ELAC2: variants seen among roughly 807,000 people sequenced by gnomAD.
ELAC2 encodes the protein elaC ribonuclease Z 2.
ELAC2 carries 92 observed loss-of-function variants against 105.2 expected under a neutral mutation model. The ratio of observed to expected loss-of-function variants is 0.87; its 90% CI spans 0.74 to 1.04. ELAC2 has a LOEUF of 1.04. ELAC2 is among the 50% of genes least tolerant of loss of function. The pLI is 0.00. For missense variants in ELAC2, 1,099 were observed against 1,071.7 expected (o/e 1.03, Z -0.36); for synonymous variants, 468 against 409.1 (o/e 1.14, Z -1.74).
At chr17:13,014,118 C>T (rs1324821608) in intron 5 of ELAC2, among the ~76,000 whole-genome samples, 1 of 151,892 alleles carries the variant, frequency 6.6e-6, no homozygotes, top group Non-Finnish European at 1.5e-5. Flanking sequence ...ATGGTGAAAC[C>T]CCGTCTCTAC....
Position 12,993,027 on chromosome 17 carries a change from G to A in ELAC2, c.2272C>T (p.Pro758Ser), listed in dbSNP as rs778365597. ...GGGGGAATCAGCTTGGGCATTGTTGGAAAGTCTCCAAAGCAGACCTAGAAG... is the reference window on the plus strand; with the variant it reads ...GGGGGAATCAGCTTGGGCATTGTTGAAAAGTCTCCAAAGCAGACCTAGAAG... ...DHMKVCFGDF[P>S]TMPKLIPPLK... is the part of the protein sequence containing the mutation. The change falls in exon 24 of 24, where the codon CCA (proline) becomes TCA (serine). Residue 758 changes from proline to serine, a missense_variant. Pro to Ser is a moderately conservative substitution (Grantham distance 74, BLOSUM62 -1). Transcript: ENST00000338034. 2.5e-6 allele frequency: 4 copies of A among 1,603,870 alleles called. No homozygotes were observed. Among genetic ancestry groups the A allele is most frequent in the Admixed American group, 3.3e-5 (2 of 59,968 alleles).
intron 14 of ELAC2, chr17:13,000,752 G>C (rs1410995869): frequency 4.8e-6 from 1 of 208,546 alleles, no homozygotes; most frequent in African/African-American, 2.3e-5. Context: ...CAGCTCTGCA[G>C]TGAGGCCTGA....
At chr17:13,015,378 T>C (rs2041660727) in intron 4 of ELAC2, among the ~76,000 whole-genome samples, 1 of 152,220 alleles carries the variant, frequency 6.6e-6, no homozygotes, top group African/African-American at 2.4e-5. Flanking sequence ...AAGAGTGTAA[T>C]AAGCTGGACT....
Position 13,017,961 on chromosome 17 carries a change from C to T in ELAC2, c.-14G>A, listed in dbSNP as rs2041846931. The T allele has an allele frequency of 1.3e-6, 2 of 1,535,602 alleles. No homozygotes were observed. Among genetic ancestry groups the T allele is most frequent in the Non-Finnish European group, 1.7e-6 (2 of 1,146,628 alleles). On this transcript the variant is annotated 5_prime_UTR_variant, in exon 1 of 24. In the 5' UTR this introduces an upstream ATG that the reference lacks. Coordinates refer to ENST00000338034, the MANE Select transcript of ELAC2 (RefSeq NM_018127.7). ...AAGCGCCCACATGCGCCCGTCTCCA[C>T]CAAAACTGAGAAAGCCGCCGGTCAC...
intron 8 of ELAC2, among the ~76,000 whole-genome samples, chr17:13,007,809 A>G (rs75689464): frequency 6.6e-6 from 1 of 152,064 alleles, no homozygotes. Context: ...GCCTGGGAGG[A>G]GGAGGTTGCA....
At chr17:13,016,626 A>C (rs2041737596) in intron 3 of ELAC2, among the ~76,000 whole-genome samples, 1 of 151,990 alleles carries the variant, frequency 6.6e-6, no homozygotes, top group Admixed American at 6.6e-5. Flanking sequence ...AACATACAAA[A>C]AAAATTAGCC....
intron 22 of ELAC2, 47 bp downstream of exon 22, chr17:12,994,378 G>A: frequency 1.2e-6 from 2 of 1,602,386 alleles, no homozygotes; most frequent in Non-Finnish European, 1.7e-6. Flanking sequence ...TCACGTAGTG[G>A]GGGAGGGAGA....
intron 17 of ELAC2, 101 bp downstream of exon 17, chr17:12,996,445 TG>T: frequency 6.3e-7 from 1 of 1,575,004 alleles, no homozygotes. Context: ...ACAAAAGCTC[TG>T]GGCAAGTTTG....
At chr17:13,012,207 C>CGTA (rs1555580794) in intron 6 of ELAC2, among the ~76,000 whole-genome samples, 1 of 152,168 alleles carries the variant, frequency 6.6e-6, no homozygotes, top group Non-Finnish European at 1.5e-5. Flanking sequence ...CGAGAATGAA[C>CGTA]GTAAGTTCAC....
At chr17:13,011,996 C>T (rs562689730) in intron 6 of ELAC2, among the ~76,000 whole-genome samples, 5 of 152,266 alleles carry the variant, frequency 3.3e-5, no homozygotes, top group African/African-American at 7.2e-5. Context: ...CTCACAGCCT[C>T]GGCCACAGTA....
intron 14 of ELAC2, among the ~76,000 whole-genome samples, chr17:13,001,561 T>A (rs1426849812): frequency 6.6e-6 from 1 of 152,120 alleles, no homozygotes; most frequent in East Asian, 1.9e-4. Context: ...GCAGTAAGGC[T>A]GTTCACTTTC....
intron 12 of ELAC2, 187 bp from the exon 13 acceptor site, chr17:13,002,766 A>G: frequency 1.1e-6 from 1 of 877,900 alleles, no homozygotes; most frequent in Non-Finnish European, 1.8e-6. Context: ...GGTGTTCCCT[A>G]GCTCAGCTGC....
rs1381612724 is a variant in ELAC2 at position 13,010,706 on chromosome 17, A to T, written c.680-35T>A. 3 of 1,595,882 alleles carry T rather than the reference A, an allele frequency of 1.9e-6. No individual in the cohort carries two copies. In the Admixed American group the frequency reaches 5.0e-5, roughly 27 times the overall value. On this transcript the variant is annotated intron_variant, in intron 7 of 23. Transcript: ENST00000338034. ...AACACACTTGATTATCACAAGGTAAATGTGAAAGCTGTGAAGACATCACAG... is the reference window on the plus strand; with the variant it reads ...AACACACTTGATTATCACAAGGTAATTGTGAAAGCTGTGAAGACATCACAG...
chr17:13,009,465 CA>C (rs1397858154), intron 8 of ELAC2, among the ~76,000 whole-genome samples: 2 of 152,158 alleles, frequency 1.3e-5, no homozygotes, highest in African/African-American at 2.4e-5. Flanking sequence ...CTTATTGTAA[CA>C]AAAATTTTTA....
In ELAC2 at chr17:12,992,043, T is replaced by C. The variant is rs1021414287; in HGVS notation, c.*775A>G. ...GGAAGCAACAACACAGCAAATCTAT[T>C]GTCTCCACTTTTACCCAGAACCACC... On this transcript the variant is annotated 3_prime_UTR_variant, in exon 24 of 24. Coordinates refer to ENST00000338034, the MANE Select transcript of ELAC2 (RefSeq NM_018127.7). 1.3e-5 allele frequency among the ~76,000 whole-genome samples: 2 copies of C among 152,196 alleles called. No homozygotes were observed. The highest frequency in any genetic ancestry group is 2.4e-5 in the African/African-American group (1 of 41,450).
intron 5 of ELAC2, among the ~76,000 whole-genome samples, chr17:13,013,692 C>A (rs1157498650): frequency 6.6e-6 from 1 of 152,148 alleles, no homozygotes; most frequent in Non-Finnish European, 1.5e-5. Context: ...AGATACACAC[C>A]AGTGCCAGGA....
In ELAC2 at chr17:13,017,926, G is replaced by T; in HGVS notation, c.22C>A (p.Leu8Met). Residue 8 changes from leucine to methionine, a missense_variant, in exon 1 of 24, where the codon CTG becomes ATG. Leu to Met is a conservative substitution (Grantham distance 15, BLOSUM62 2). Transcript: ENST00000338034. ...ATGGTGCGTCCGGCCGCGGACCGCA[G>T]CAGCGAGCAAAGCGCCCACATGCGC... MWALCSL[L>M]RSAAGRTMSQ... 6.5e-7 allele frequency: 1 copy of T among 1,539,768 alleles called. No homozygotes were observed. Among genetic ancestry groups the T allele is most frequent in the South Asian group, 1.2e-5 (1 of 84,070 alleles).
chr17:13,013,337 C>T, intron 5 of ELAC2, 62 bp from the exon 6 acceptor site: 1 of 1,544,670 alleles, frequency 6.5e-7, no homozygotes. Context: ...GGAAGAGTAA[C>T]TTCAGGATCA....
At position 12,993,812 on chromosome 17, in the gene ELAC2, T is replaced by A; in HGVS notation, c.2128A>T (p.Ser710Cys). The A allele has an allele frequency of 1.9e-6, 3 of 1,614,218 alleles. No homozygotes were observed. The highest frequency in any genetic ancestry group is 2.5e-6 in the Non-Finnish European group (3 of 1,180,042). The change falls in exon 23 of 24, where the codon AGC becomes TGC. Residue 710 changes from serine to cysteine, a missense_variant. Coordinates refer to ENST00000338034, the MANE Select transcript of ELAC2 (RefSeq NM_018127.7). ...KTHSTTSQAISVGMRMNAEFI... is the reference protein window; with the variant it reads ...KTHSTTSQAICVGMRMNAEFI... ...TCCGCGTTCATCCGCATCCCCACGC[T>A]GATGGCTTGGGACGTTGTGCTGCAG...
Sources: allele counts gnomAD v4.1 joint callset (sites outside exome capture counted in the v4.1 genomes callset), GRCh38; gene constraint gnomAD v4.1.1; transcripts MANE v1.5; gene names NCBI Gene and HGNC (gene_info 2026-07-23, HGNC 2026-07-21).